Variants in QTMAN observed in about 807,000 individuals in gnomAD.
QTMAN encodes the protein queuosine-tRNA mannosyltransferase.
At chr2:143,967,070 G>T in the QTMAN span, among the ~76,000 whole-genome samples, 6 of 152,148 alleles carry the variant, frequency 3.9e-5, no homozygotes, top group Non-Finnish European at 8.8e-5. Context: ...TCACTTATAG[G>T]CAATGTAATC....
chr2:144,197,267 A>G, the QTMAN span, among the ~76,000 whole-genome samples: 8 of 151,960 alleles, frequency 5.3e-5, no homozygotes, highest in Non-Finnish European at 1.5e-5. Flanking sequence ...TCGTTGACCA[A>G]AATGTTATGT....
At chr2:144,119,272 T>G in the QTMAN span, among the ~76,000 whole-genome samples, 2 of 152,202 alleles carry the variant, frequency 1.3e-5, no homozygotes, top group Non-Finnish European at 2.9e-5. Context: ...GATTTCTAAC[T>G]TTGCACTAAC....
At chr2:143,982,389 C>T in the QTMAN span, among the ~76,000 whole-genome samples, 1 of 151,758 alleles carries the variant, frequency 6.6e-6, no homozygotes, top group East Asian at 2.0e-4. Context: ...CACCACTACG[C>T]CCAGCTAATT....
At chr2:144,226,052 A>G in the QTMAN span, among the ~76,000 whole-genome samples, 2 of 152,244 alleles carry the variant, frequency 1.3e-5, no homozygotes, top group Non-Finnish European at 2.9e-5. Context: ...GGTATTCCTG[A>G]ATTTGAAAAT....
the QTMAN span, among the ~76,000 whole-genome samples, chr2:144,047,121 A>C: frequency 6.6e-6 from 1 of 152,030 alleles, no homozygotes; most frequent in African/African-American, 2.4e-5. Flanking sequence ...AAATACAAAA[A>C]TTAGCCAGGC....
chr2:144,182,809 A>ATATATATATATTATATATATATTT, the QTMAN span, among the ~76,000 whole-genome samples: 1 of 2,498 alleles, frequency 4.0e-4, no homozygotes. Context: ...TATATATATA[A>ATATATATATATTATATATATATTT]TATATATATT....
At chr2:144,031,819 C>T in the QTMAN span, among the ~76,000 whole-genome samples, 3 of 152,032 alleles carry the variant, frequency 2.0e-5, no homozygotes, top group Non-Finnish European at 4.4e-5. Context: ...GTCAGAGGTG[C>T]GATCTTGGCT....
chr2:144,072,456 G>A, the QTMAN span, among the ~76,000 whole-genome samples: 1 of 152,096 alleles, frequency 6.6e-6, no homozygotes, highest in East Asian at 1.9e-4. Flanking sequence ...AACTAGATTC[G>A]AGCACTTAGT....
At chr2:143,992,207 G>T in the QTMAN span, among the ~76,000 whole-genome samples, 365 of 150,544 alleles carry the variant, frequency 2.4e-3, no homozygotes, top group African/African-American at 5.7e-3. Context: ...TCTTCTGCCT[G>T]GGGATCCTGT....
chr2:144,097,019 A>C, the QTMAN span, among the ~76,000 whole-genome samples: 1 of 152,172 alleles, frequency 6.6e-6, no homozygotes, highest in Non-Finnish European at 1.5e-5. Flanking sequence ...CCAACATCTA[A>C]AGTTGTATTA....
At chr2:144,041,244 T>C in the QTMAN span, among the ~76,000 whole-genome samples, 2 of 152,284 alleles carry the variant, frequency 1.3e-5, no homozygotes, top group African/African-American at 4.8e-5. Context: ...TAACAACATC[T>C]TGGGTCACAA....
chr2:144,208,686 G>A, the QTMAN span: 1 of 1,613,688 alleles, frequency 6.2e-7, no homozygotes, highest in Non-Finnish European at 8.5e-7. Context: ...TTGCAGGAAG[G>A]GTATAAACGA....
chr2:144,193,436 T>A, the QTMAN span, among the ~76,000 whole-genome samples: 1 of 148,394 alleles, frequency 6.7e-6, no homozygotes, highest in Non-Finnish European at 1.5e-5. Context: ...ATATAATATA[T>A]ATTATGTATA....
At chr2:144,152,861 G>A in the QTMAN span, among the ~76,000 whole-genome samples, 1 of 152,170 alleles carries the variant, frequency 6.6e-6, no homozygotes, top group Admixed American at 6.5e-5. Context: ...CAATAAAAAA[G>A]ATAAGTAACT....
At chr2:144,208,579 A>C in the QTMAN span, 7 of 1,597,698 alleles carry the variant, frequency 4.4e-6, no homozygotes, top group Non-Finnish European at 6.0e-6. Context: ...AAAACGCTGA[A>C]AATGCATCCT....
the QTMAN span, among the ~76,000 whole-genome samples, chr2:143,983,416 C>T: frequency 6.7e-6 from 1 of 148,556 alleles, no homozygotes; most frequent in South Asian, 2.1e-4. Context: ...GTAAAGTTTG[C>T]TATACTTTAT....
the QTMAN span, among the ~76,000 whole-genome samples, chr2:144,104,456 T>C: frequency 6.6e-6 from 1 of 152,062 alleles, no homozygotes; most frequent in Non-Finnish European, 1.5e-5. Context: ...CACCAGGAGA[T>C]TATATCCTGC....
At chr2:144,201,382 G>C in the QTMAN span, among the ~76,000 whole-genome samples, 1 of 152,274 alleles carries the variant, frequency 6.6e-6, no homozygotes, top group African/African-American at 2.4e-5. Flanking sequence ...TGCTGCCACA[G>C]CACATTAACG....
At chr2:144,329,314 A>G in the QTMAN span, among the ~76,000 whole-genome samples, 1 of 152,220 alleles carries the variant, frequency 6.6e-6, no homozygotes, top group Non-Finnish European at 1.5e-5. Context: ...GAATATAAGT[A>G]AAAGAATACA....
Sources: gnomAD v4.1 joint callset for allele counts (sites outside exome capture counted in the v4.1 genomes callset) on GRCh38, gnomAD v4.1.1 for gene constraint, MANE v1.5 for transcripts, NCBI Gene and HGNC (gene_info 2026-07-23, HGNC 2026-07-21) for gene names.